ZNF431: variants seen among roughly 807,000 people sequenced by gnomAD.
The protein encoded by ZNF431 is zinc finger protein 431.
ZNF431 carries 34 observed loss-of-function variants against 57.0 expected under a neutral mutation model. The observed-to-expected ratio is 0.60, with a 90% CI of 0.45 to 0.79. The LOEUF is 0.79. Ranked by LOEUF, ZNF431 falls within the 30% of genes least tolerant of loss-of-function variation. The pLI is 0.00. For missense variants in ZNF431, 607 were observed against 667.1 expected, an observed-to-expected ratio of 0.91 and a Z score of 0.99; for synonymous variants, 207 against 220.3, an observed-to-expected ratio of 0.94 and a Z score of 0.54.
intron 2 of ZNF431, among the ~76,000 whole-genome samples, chr19:21,156,644 T>G (rs1047398377): frequency 2.6e-5 from 4 of 152,190 alleles, no homozygotes; most frequent in African/African-American, 9.7e-5. Flanking sequence ...TTTAGCTTTC[T>G]AAGGATAATG....
chr19:21,174,729 T>C (rs1292193482), intron 4 of ZNF431, among the ~76,000 whole-genome samples: 1 of 152,144 alleles, frequency 6.6e-6, no homozygotes, highest in Non-Finnish European at 1.5e-5. Context: ...CTTATTTCTT[T>C]TTCTTTTTAT....
chr19:21,163,553 GCT>G, intron 2 of ZNF431, among the ~76,000 whole-genome samples: 1 of 152,226 alleles, frequency 6.6e-6, no homozygotes, highest in East Asian at 1.9e-4. Context: ...ACGGAGTCTC[GCT>G]CTGTCACCCA....
At chr19:21,152,700 C>T (rs1970307125) in intron 2 of ZNF431, among the ~76,000 whole-genome samples, 2 of 152,116 alleles carry the variant, frequency 1.3e-5, no homozygotes, top group Admixed American at 1.3e-4. Flanking sequence ...AGGAGAGACT[C>T]TAATTCTCCT....
intron 2 of ZNF431, chr19:21,149,721 C>T (rs2144933573): frequency 3.3e-6 from 2 of 610,570 alleles, no homozygotes; most frequent in East Asian, 3.7e-5. Context: ...AGACTTGAGA[C>T]CCAGGGCCTT....
rs1248505873 is a variant in ZNF431 at position 21,194,085 on chromosome 19, G to T, written c.*10051G>T. On this transcript the variant is annotated 3_prime_UTR_variant, in exon 5 of 5. Coordinates refer to ENST00000311048, the MANE Select transcript of ZNF431 (RefSeq NM_133473.4). ...AAGAAGTGAAATTACCTTCACTCAT[G>T]ATATAATTCTCTACCTAGAAAACTT... 1 of 152,168 alleles carries T rather than the reference G, an allele frequency of 6.6e-6. No homozygotes were observed. 9.4% of individuals were successfully genotyped at this position (152,168 alleles called of 1,614,324 possible).
At chr19:21,169,114 T>G (rs986577702) in intron 4 of ZNF431, among the ~76,000 whole-genome samples, 8 of 151,570 alleles carry the variant, frequency 5.3e-5, no homozygotes, top group African/African-American at 1.9e-4. Context: ...GGAATTTCAC[T>G]CTGTTGGCCA....
At chr19:21,167,280 C>G (rs113333656) in intron 3 of ZNF431, among the ~76,000 whole-genome samples, 143 of 152,110 alleles carry the variant, frequency 9.4e-4, no homozygotes, top group African/African-American at 3.3e-3. Context: ...CCTCCTTAGC[C>G]TCTGGAGTTG....
At chr19:21,165,132 T>G (rs1054625516) in intron 2 of ZNF431, among the ~76,000 whole-genome samples, 2 of 152,008 alleles carry the variant, frequency 1.3e-5, no homozygotes, top group Non-Finnish European at 2.9e-5. Context: ...CACCAGACCC[T>G]TCTCTACATC....
chr19:21,142,707 A>G (rs1181685555), intron 1 of ZNF431, among the ~76,000 whole-genome samples: 2 of 152,222 alleles, frequency 1.3e-5, no homozygotes, highest in African/African-American at 4.8e-5. Flanking sequence ...AAAGACTTTT[A>G]TAAAAAGCAT....
chr19:21,149,834 A>G (rs1018661223), intron 2 of ZNF431: 11 of 654,416 alleles, frequency 1.7e-5, no homozygotes, highest in Non-Finnish European at 3.1e-5. Flanking sequence ...AACCTGTGTG[A>G]AGACGACAGT....
chr19:21,146,696 CTTCTT>C (rs1742029956), intron 2 of ZNF431, among the ~76,000 whole-genome samples: 2 of 152,176 alleles, frequency 1.3e-5, no homozygotes, highest in Admixed American at 1.3e-4. Context: ...TTTTATTTGA[CTTCTT>C]TATTGCAACC....
At chr19:21,144,862 T>C (rs1970038451) in intron 2 of ZNF431, among the ~76,000 whole-genome samples, 1 of 152,230 alleles carries the variant, frequency 6.6e-6, no homozygotes, top group South Asian at 2.1e-4. Flanking sequence ...TAAATATCTC[T>C]GTTCAAATCC....
intron 2 of ZNF431, among the ~76,000 whole-genome samples, chr19:21,154,610 G>A (rs1970367879): frequency 6.6e-6 from 1 of 152,066 alleles, no homozygotes; most frequent in African/African-American, 2.4e-5. Context: ...CTTCCACAAT[G>A]GTTGAACTAG....
intron 2 of ZNF431, among the ~76,000 whole-genome samples, chr19:21,156,685 A>G (rs1970425061): frequency 2.1e-5 from 2 of 95,384 alleles, no homozygotes; most frequent in East Asian, 6.9e-4. Context: ...TGCTGCAAAT[A>G]ACTTAATCTT....
chr19:21,176,079 C>T (rs1347281401), intron 4 of ZNF431, among the ~76,000 whole-genome samples: 2 of 152,202 alleles, frequency 1.3e-5, no homozygotes, highest in African/African-American at 4.8e-5. Flanking sequence ...ATAGCCTCCC[C>T]ACCATCTGTT....
chr19:21,167,508 A>T, intron 3 of ZNF431, 63 bp from the exon 4 acceptor site: 1 of 1,203,106 alleles, frequency 8.3e-7, no homozygotes, highest in Non-Finnish European at 1.1e-6. Context: ...TACTGAGCAC[A>T]GTACTAGGTT....
chr19:21,144,263 A>G (rs1451380881), intron 2 of ZNF431, among the ~76,000 whole-genome samples: 1 of 150,926 alleles, frequency 6.6e-6, no homozygotes, highest in African/African-American at 2.4e-5. Context: ...AGAAGGATTG[A>G]TCTTGGCTCA....
At position 21,188,004 on chromosome 19, in the gene ZNF431, A is replaced by G. The variant is rs1450306797; in HGVS notation, c.*3970A>G. On this transcript the variant is annotated 3_prime_UTR_variant, in exon 5 of 5. Coordinates refer to ENST00000311048, the MANE Select transcript of ZNF431 (RefSeq NM_133473.4). ...CAGCCAGGTGTGGCTCACGCCTGTA[A>G]TCCCAGCACTGAGATAGGCCAAGGA... 6.6e-6 allele frequency: 1 copy of G among 152,204 alleles called. No homozygotes were observed. The highest frequency in any genetic ancestry group is 1.5e-5 in the Non-Finnish European group (1 of 68,062). 9.4% of individuals were successfully genotyped at this position (152,204 alleles called of 1,614,324 possible). A position where few individuals can be genotyped will look rare whatever the true frequency, so the allele number is the denominator to read the frequency against.
chr19:21,171,645 A>G (rs1179444279), intron 4 of ZNF431, among the ~76,000 whole-genome samples: 1 of 148,518 alleles, frequency 6.7e-6, no homozygotes, highest in East Asian at 2.0e-4. Context: ...CTAAGTGAGT[A>G]GTCATGAAAA....
Sources: gnomAD v4.1 joint callset for allele counts (sites outside exome capture counted in the v4.1 genomes callset) on GRCh38, gnomAD v4.1.1 for gene constraint, MANE v1.5 for transcripts, NCBI Gene and HGNC (gene_info 2026-07-23, HGNC 2026-07-21) for gene names.